Variants in IGSF11 observed in about 807,000 individuals in gnomAD.
IGSF11 encodes the protein immunoglobulin superfamily member 11.
IGSF11 carries 22 observed loss-of-function variants against 41.0 expected under a neutral mutation model. The ratio of observed to expected loss-of-function variants is 0.54; its 90% confidence interval spans 0.38 to 0.77. The LOEUF is 0.77. Among genes scored for constraint, IGSF11 ranks in the 30% least tolerant of loss-of-function variants. The pLI is 0.00. For synonymous variants in IGSF11, 219 were observed against 201.3 expected (o/e 1.09, Z -0.74); for missense variants, 444 against 530.8 (o/e 0.84, Z 1.61).
chr3:118,927,403 T>G (rs1359271093), intron 3 of IGSF11, among the ~76,000 whole-genome samples: 3 of 152,202 alleles, frequency 2.0e-5, no homozygotes, highest in Admixed American at 6.5e-5. Context: ...TATCAGAATA[T>G]TTAATTCCAT....
chr3:119,140,183 TC>T (rs1010312553), intron 1 of IGSF11, among the ~76,000 whole-genome samples: 1 of 151,722 alleles, frequency 6.6e-6, no homozygotes, highest in African/African-American at 2.4e-5. Context: ...GAATGGACCC[TC>T]CCCCCAAAAA....
At chr3:118,969,752 T>A (rs1933162946) in intron 1 of IGSF11, among the ~76,000 whole-genome samples, 1 of 152,196 alleles carries the variant, frequency 6.6e-6, no homozygotes, top group South Asian at 2.1e-4. Flanking sequence ...TGGTTTCCCC[T>A]TCCTCATGGG....
chr3:118,976,943 T>C (rs1934181707), intron 1 of IGSF11, among the ~76,000 whole-genome samples: 1 of 152,170 alleles, frequency 6.6e-6, no homozygotes, highest in African/African-American at 2.4e-5. Flanking sequence ...GTCACCCACT[T>C]CTGTAGGAAA....
At chr3:118,993,126 G>A (rs2107655238) in intron 1 of IGSF11, among the ~76,000 whole-genome samples, 1 of 152,284 alleles carries the variant, frequency 6.6e-6, no homozygotes, top group East Asian at 1.9e-4. Context: ...CTCACAGTAG[G>A]CTGATGTGGG....
intron 1 of IGSF11, among the ~76,000 whole-genome samples, chr3:119,101,606 G>T (rs144119494): frequency 2.7e-3 from 418 of 152,280 alleles, no homozygotes; most frequent in African/African-American, 9.4e-3. Flanking sequence ...CTTCCCCTGA[G>T]CTATACTGAA....
At chr3:119,020,681 A>C (rs1939200401) in intron 1 of IGSF11, among the ~76,000 whole-genome samples, 1 of 152,210 alleles carries the variant, frequency 6.6e-6, no homozygotes, top group Non-Finnish European at 1.5e-5. Context: ...AAACTATTGA[A>C]TACATAAGAA....
In IGSF11 at chr3:118,930,162, T is replaced by C; in HGVS notation, c.166A>G (p.Asn56Asp). 6.2e-7 allele frequency: 1 copy of C among 1,613,856 alleles called. No homozygotes were observed. Among genetic ancestry groups the C allele is most frequent in the South Asian group, 1.1e-5 (1 of 91,058 alleles). The change falls in exon 2 of 7, where the codon AAT (asparagine) becomes GAT (aspartate). Residue 56 changes from asparagine (N) to aspartate (D), a missense_variant. By Grantham distance (23) the Asn-to-Asp change is conservative. Transcript: ENST00000393775. ...FTTSAALINLNVIWMVTPLSN... is the reference protein window; with the variant it reads ...FTTSAALINLDVIWMVTPLSN... ...AGAGGAGTGACCATCCAAATGACAT[T>C]GAGGTTAATGAGGGCAGCGCTGGTA...
chr3:119,012,928 A>G (rs942487965), intron 1 of IGSF11: 3 of 152,278 alleles, frequency 2.0e-5, no homozygotes, highest in African/African-American at 7.2e-5. Context: ...CCACTGCTCA[A>G]CGGATAAAGT....
intron 1 of IGSF11, among the ~76,000 whole-genome samples, chr3:118,997,385 C>T (rs1313948446): frequency 2.0e-5 from 3 of 152,196 alleles, no homozygotes; most frequent in Non-Finnish European, 4.4e-5. Context: ...AGCACTGGGT[C>T]AGGTCTAGGT....
chr3:118,910,485 G>T (rs1356566217), intron 4 of IGSF11, among the ~76,000 whole-genome samples: 4 of 152,152 alleles, frequency 2.6e-5, no homozygotes, highest in Non-Finnish European at 5.9e-5. Flanking sequence ...ACTTAGTTCA[G>T]GTCCTTGTCA....
chr3:119,042,021 T>A (rs901801882), intron 1 of IGSF11, among the ~76,000 whole-genome samples: 1 of 152,206 alleles, frequency 6.6e-6, no homozygotes, highest in African/African-American at 2.4e-5. Context: ...TGCAAAGATA[T>A]GCAAATGAGC....
At chr3:119,036,222 C>G (rs1011742900), upstream of IGSF11, among the ~76,000 whole-genome samples, 4 of 152,118 alleles carry the variant, frequency 2.6e-5, no homozygotes, top group African/African-American at 9.7e-5. Context: ...GCTAGAATTC[C>G]CTACCAGATC....
At chr3:119,088,983 G>A (rs2717268) in intron 1 of IGSF11, among the ~76,000 whole-genome samples, 91,935 of 151,814 alleles carry the variant, frequency 0.61, 27,964 homozygotes, top group South Asian at 0.71. Flanking sequence ...GTCCTAGACC[G>A]GATGGATTCT....
intron 1 of IGSF11, among the ~76,000 whole-genome samples, chr3:118,992,537 C>T (rs1935890050): frequency 6.6e-6 from 1 of 152,182 alleles, no homozygotes; most frequent in South Asian, 2.1e-4. Flanking sequence ...ACTAGCAGGG[C>T]ACATAATCAC....
At chr3:119,070,184 T>C (rs1300910638) in intron 1 of IGSF11, among the ~76,000 whole-genome samples, 1 of 152,208 alleles carries the variant, frequency 6.6e-6, no homozygotes, top group Non-Finnish European at 1.5e-5. Flanking sequence ...GATTATGTAA[T>C]TTTTAACCCC....
chr3:119,002,712 C>T (rs1937028282), intron 1 of IGSF11, among the ~76,000 whole-genome samples: 1 of 126,966 alleles, frequency 7.9e-6, no homozygotes, highest in African/African-American at 3.4e-5. Context: ...TTTCCCAGCA[C>T]CATTTATTAA....
At chr3:118,916,046 A>G (rs1232789214) in intron 4 of IGSF11, among the ~76,000 whole-genome samples, 1 of 149,006 alleles carries the variant, frequency 6.7e-6, no homozygotes, top group Non-Finnish European at 1.5e-5. Context: ...CTTTACAGAC[A>G]AGCAAATGCT....
At chr3:119,024,095 T>C (rs1054019051) in intron 1 of IGSF11, among the ~76,000 whole-genome samples, 4 of 152,110 alleles carry the variant, frequency 2.6e-5, no homozygotes, top group African/African-American at 9.7e-5. Context: ...ACTCCCTAAA[T>C]TCAAAATAAC....
At chr3:119,067,594 A>T (rs1440744761) in intron 1 of IGSF11, among the ~76,000 whole-genome samples, 1 of 152,218 alleles carries the variant, frequency 6.6e-6, no homozygotes, top group Non-Finnish European at 1.5e-5. Flanking sequence ...GCTCCCTCGT[A>T]ATACCAAAAC....
Sources: gnomAD v4.1 joint callset for allele counts (sites outside exome capture counted in the v4.1 genomes callset) on GRCh38, gnomAD v4.1.1 for gene constraint, MANE v1.5 for transcripts, NCBI Gene and HGNC (gene_info 2026-07-23, HGNC 2026-07-21) for gene names.